The following PHRF1 variants were observed in gnomAD, a reference collection of about 807,000 sequenced individuals.
The protein encoded by PHRF1 is PHD and RING finger domain-containing protein 1.
A neutral mutation model predicts 128.9 loss-of-function variants in PHRF1; 53 were observed. The observed-to-expected ratio is 0.41, with a 90% confidence interval of 0.33 to 0.52. PHRF1 has a LOEUF of 0.52. PHRF1 is among the 20% of genes least tolerant of loss of function. PHRF1 has a pLI of 0.21. For synonymous variants in PHRF1, 1,178 were observed against 980.6 expected, an observed-to-expected ratio of 1.20 and a Z score of -3.76; for missense variants, 2,503 against 2,284.5, an observed-to-expected ratio of 1.10 and a Z score of -1.95.
chr11:587,981 TC>T (rs1412083714), intron 4 of PHRF1, among the ~76,000 whole-genome samples: 2 of 152,312 alleles, frequency 1.3e-5, no homozygotes, highest in East Asian at 3.9e-4. Context: ...AGCTCCCCCC[TC>T]CCTTTCTGAA....
In PHRF1 at chr11:605,692, C is replaced by A. The variant is rs374393458; in HGVS notation, c.1422C>A (p.Pro474=). 1.2e-6 allele frequency: 2 copies of A among 1,612,960 alleles called. No homozygotes were observed. The highest frequency in any genetic ancestry group is 1.1e-5 in the South Asian group (1 of 91,076). The part of the protein sequence containing the change: ...LSRSALQSHQ[P]VARPVSVGLS... ...GGTCAGCCCTGCAGTCCCACCAGCC[C>A]GTGGCCAGGCCCGTCTCCGTGGGGC... Residue 474 remains proline (P), a synonymous_variant, in exon 12 of 18, where the codon CCC becomes CCA. Coordinates refer to ENST00000264555, the MANE Select transcript of PHRF1 (RefSeq NM_001286581.2).
chr11:603,236 C>G (rs1855744125), intron 10 of PHRF1, among the ~76,000 whole-genome samples: 2 of 151,778 alleles, frequency 1.3e-5, no homozygotes, highest in Admixed American at 1.3e-4. Context: ...TTGTATTTTT[C>G]GTAGACACAA....
intron 1 of PHRF1, among the ~76,000 whole-genome samples, chr11:579,151 T>A (rs1354706906): frequency 6.6e-6 from 1 of 152,128 alleles, no homozygotes; most frequent in Admixed American, 6.5e-5. Context: ...CCAATTCACA[T>A]TTTTTACTTT....
intron 1 of PHRF1, among the ~76,000 whole-genome samples, chr11:578,160 C>T (rs559547473): frequency 5.3e-5 from 8 of 152,226 alleles, no homozygotes; most frequent in African/African-American, 9.6e-5. Context: ...ATTAACCCAG[C>T]ATCCTAACTA....
At chr11:589,404 A>G (rs1238735397) in intron 4 of PHRF1, among the ~76,000 whole-genome samples, 1 of 152,172 alleles carries the variant, frequency 6.6e-6, no homozygotes, top group African/African-American at 2.4e-5. Context: ...TGAAGTCAAC[A>G]CAGGAGGACA....
chr11:587,488 C>T (rs1564843125), intron 4 of PHRF1, 24 bp downstream of exon 4: 1 of 1,609,486 alleles, frequency 6.2e-7, no homozygotes, highest in Non-Finnish European at 8.5e-7. Context: ...TGGTTGGGTG[C>T]TTCCTCCCTT....
intron 14 of PHRF1, 70 bp from the exon 15 acceptor site, chr11:610,126 C>T (rs1482080750): frequency 4.8e-6 from 7 of 1,443,636 alleles, no homozygotes; most frequent in Non-Finnish European, 6.4e-6. Context: ...TGGATTTTTC[C>T]AGCCATGAAA....
At chr11:598,558 G>A in intron 9 of PHRF1, 56 bp downstream of exon 9, 3 of 1,556,328 alleles carry the variant, frequency 1.9e-6, no homozygotes, top group Non-Finnish European at 2.6e-6. Flanking sequence ...CCACGCCCGA[G>A]GTCCACTCAC....
At chr11:602,893 G>T (rs185068682) in intron 10 of PHRF1, among the ~76,000 whole-genome samples, 22 of 151,378 alleles carry the variant, frequency 1.5e-4, no homozygotes, top group Non-Finnish European at 2.7e-4. Flanking sequence ...CTCCTGAGTC[G>T]CTGGGATTAT....
At position 591,451 on chromosome 11, in the gene PHRF1, G is replaced by C. The variant is rs754963325; in HGVS notation, c.488G>C (p.Gly163Ala). 6.2e-7 allele frequency: 1 copy of C among 1,608,886 alleles called. No individual in the cohort carries two copies. The highest frequency in any genetic ancestry group is 8.5e-7 in the Non-Finnish European group (1 of 1,177,842). The change falls in exon 5 of 18, where the codon GGT (glycine) becomes GCT (alanine). Residue 163 changes from glycine (G) to alanine (A), a missense_variant. Physicochemically the swap from Gly to Ala is moderately conservative, Grantham distance 60. Coordinates refer to ENST00000264555, the MANE Select transcript of PHRF1 (RefSeq NM_001286581.2). Reference protein sequence around the residue: ...KCICIRAQFGGKILRKIPVEN... With the variant: ...KCICIRAQFGAKILRKIPVEN... ...ATTTGTATTCGAGCTCAATTTGGTGGTAAAATCTTAAGAAAGGTGAGTGTG... is the reference window on the plus strand; with the variant it reads ...ATTTGTATTCGAGCTCAATTTGGTGCTAAAATCTTAAGAAAGGTGAGTGTG...
rs772808789 is a variant in PHRF1, at chr11:608,435, C to A, written c.2979C>A (p.Ser993=). Residue 993 remains serine (S), a synonymous_variant, in exon 14 of 18, where the codon TCC becomes TCA. Coordinates refer to ENST00000264555, the MANE Select transcript of PHRF1 (RefSeq NM_001286581.2). ...TGGAGCTCAGGCCCCCTTCCCGGTC[C>A]CGCTCCACATCCAGCTCCCGCAGCA... ...RVVELRPPSR[S]RSTSSSRSRK... 8 of 1,612,122 alleles carry A rather than the reference C, an allele frequency of 5.0e-6. No individual in the cohort carries two copies. Among genetic ancestry groups the A allele is most frequent in the South Asian group, 1.1e-5 (1 of 91,036 alleles).
intron 5 of PHRF1, among the ~76,000 whole-genome samples, chr11:592,279 C>T (rs561554808): frequency 3.3e-5 from 5 of 151,664 alleles, no homozygotes; most frequent in African/African-American, 4.8e-5. Flanking sequence ...CCTGCTGCCT[C>T]GCCCTACTGC....
chr11:611,755 C>T lies in PHRF1; in HGVS notation c.4928C>T (p.Pro1643Leu). The change falls in exon 18 of 18, where the codon CCC becomes CTC. Residue 1643 changes from proline (P) to leucine (L), a missense_variant. By Grantham distance (98) the Pro-to-Leu change is moderately conservative. Coordinates refer to ENST00000264555, the MANE Select transcript of PHRF1 (RefSeq NM_001286581.2). ...AAACCAGAGGCCGGGGAGGAGCCGC[C>T]CACGCAGGGGGCCGAGGGCTGAGGC... ...HKKPEAGEEP[P>L]TQGAEG The T allele has an allele frequency of 6.2e-7, 1 of 1,610,322 alleles. No individual in the cohort carries two copies. Among genetic ancestry groups the T allele is most frequent in the Non-Finnish European group, 8.5e-7 (1 of 1,178,768 alleles).
intron 6 of PHRF1, among the ~76,000 whole-genome samples, chr11:594,056 C>T (rs1173969529): frequency 2.6e-5 from 4 of 152,112 alleles, no homozygotes; most frequent in Non-Finnish European, 4.4e-5. Context: ...GGGCACAGTG[C>T]TTATTGGCTG....
intron 4 of PHRF1, among the ~76,000 whole-genome samples, 181 bp downstream of exon 4, chr11:587,645 T>TG (rs1315231464): frequency 6.6e-6 from 1 of 152,028 alleles, no homozygotes; most frequent in Non-Finnish European, 1.5e-5. Flanking sequence ...CTTGGGGGTG[T>TG]GGGTGAGCTC....
At position 612,073 on chromosome 11, in the gene PHRF1, C is replaced by T. The variant is rs1387482100; in HGVS notation, c.*296C>T. The T allele has an allele frequency of 4.5e-6, 2 of 444,298 alleles. No homozygotes were observed. Among genetic ancestry groups the T allele is most frequent in the Non-Finnish European group, 8.0e-6 (2 of 251,554 alleles). The allele number at this position is 444,298 out of a possible 1,614,324, so 27.5% of individuals were successfully genotyped here. A position where few individuals can be genotyped will look rare whatever the true frequency, so the allele number is the denominator to read the frequency against. ...TTATCTTTAGAAACCTCTTGATTGA[C>T]TTACTACTTGGAAGATAAAGCACTT... is the stretch of plus-strand genomic sequence containing the variant. On this transcript the variant is annotated 3_prime_UTR_variant, in exon 18 of 18. Coordinates refer to ENST00000264555, the MANE Select transcript of PHRF1 (RefSeq NM_001286581.2).
chr11:596,159 C>T (rs545147318), intron 6 of PHRF1, among the ~76,000 whole-genome samples: 5 of 152,252 alleles, frequency 3.3e-5, no homozygotes, highest in African/African-American at 1.2e-4. Flanking sequence ...AGCTTGACTC[C>T]CTTCCCTTGA....
chr11:609,497 C>G lies in PHRF1; in HGVS notation c.4041C>G (p.Leu1347=). The G allele has an allele frequency of 1.9e-6, 3 of 1,604,222 alleles. No individual in the cohort carries two copies. In the South Asian group the frequency reaches 3.3e-5, roughly 18 times the overall value. The part of the protein sequence containing the change: ...LPEGTQEPHL[L]RPDAAEKAEA... ...AGGGCACCCAGGAGCCACATTTGCT[C>G]AGGCCGGACGCGGCTGAGAAGGCTG... is the stretch of plus-strand genomic sequence containing the variant. The change falls in exon 14 of 18, where the codon CTC becomes CTG. Residue 1347 remains leucine, a synonymous_variant. Transcript: ENST00000264555.
At chr11:606,623 T>C in intron 13 of PHRF1, 27 bp downstream of exon 13, 1 of 1,576,550 alleles carries the variant, frequency 6.3e-7, no homozygotes, top group Non-Finnish European at 8.6e-7. Context: ...CCACGGCCCC[T>C]TCCTCTGTGG....
Sources: gnomAD v4.1 joint callset for allele counts (sites outside exome capture counted in the v4.1 genomes callset) on GRCh38, gnomAD v4.1.1 for gene constraint, MANE v1.5 for transcripts, NCBI Gene and HGNC (gene_info 2026-07-23, HGNC 2026-07-21) for gene names.